H2AZ2: variants seen among roughly 807,000 people sequenced by gnomAD.
The protein encoded by H2AZ2 is H2A.Z variant histone 2.
In H2AZ2, 5 loss-of-function variants were observed where a neutral mutation model predicts 15.5. That is an observed-to-expected ratio of 0.32 (90% CI 0.17 to 0.68). H2AZ2 has a LOEUF of 0.68. Ranked by LOEUF, H2AZ2 falls within the 30% of genes least tolerant of loss-of-function variation. The pLI is 0.72. For synonymous variants in H2AZ2, 44 were observed against 57.4 expected, an observed-to-expected ratio of 0.77 and a Z score of 1.05; for missense variants, 42 against 162.5, an observed-to-expected ratio of 0.26 and a Z score of 4.03.
chr7:44,840,784 A>G (rs1410429497), intron 3 of H2AZ2, 115 bp downstream of exon 3: 5 of 669,730 alleles, frequency 7.5e-6, no homozygotes, highest in Non-Finnish European at 1.2e-5. Flanking sequence ...ACAAACAAAC[A>G]AAAAAGCCCC....
At chr7:44,847,455 T>C (rs1793439147) in intron 1 of H2AZ2, among the ~76,000 whole-genome samples, 1 of 152,190 alleles carries the variant, frequency 6.6e-6, no homozygotes, top group African/African-American at 2.4e-5. Flanking sequence ...GAACAAATCG[T>C]GTGGTTCTGG....
intron 1 of H2AZ2, among the ~76,000 whole-genome samples, chr7:44,845,472 C>G (rs1000454211): frequency 2.0e-5 from 3 of 152,120 alleles, no homozygotes; most frequent in African/African-American, 7.2e-5. Context: ...ATAAAAAACC[C>G]TTGTTACCTC....
At chr7:44,838,421 C>T (rs1376350366) in intron 3 of H2AZ2, among the ~76,000 whole-genome samples, 3 of 151,844 alleles carry the variant, frequency 2.0e-5, no homozygotes, top group Admixed American at 6.6e-5. Flanking sequence ...GAGGCTGGGG[C>T]GGACAGATCA....
intron 3 of H2AZ2, among the ~76,000 whole-genome samples, chr7:44,840,342 C>T (rs757492823): frequency 1.3e-5 from 2 of 152,332 alleles, no homozygotes; most frequent in East Asian, 1.9e-4. Context: ...CCACCTCAGC[C>T]GCCCAAAGTG....
chr7:44,847,368 G>A (rs1399821854), intron 1 of H2AZ2, among the ~76,000 whole-genome samples: 1 of 152,208 alleles, frequency 6.6e-6, no homozygotes, highest in Non-Finnish European at 1.5e-5. Flanking sequence ...GGAAAGTACT[G>A]TTGTATAATG....
chr7:44,831,126 C>CA (rs575267386), downstream of H2AZ2, among the ~76,000 whole-genome samples: 291 of 152,246 alleles, frequency 1.9e-3, no homozygotes, highest in African/African-American at 6.6e-3. Flanking sequence ...GAGATTGTGC[C>CA]ACTGCATGCC....
At chr7:44,829,316 G>A (rs532428958), downstream of H2AZ2, 42 of 152,290 alleles carry the variant, frequency 2.8e-4, 1 homozygote, top group African/African-American at 9.9e-4. Flanking sequence ...AGAAATGCTG[G>A]TTGGCTGGGC....
At chr7:44,836,756 G>A (rs947492766) in intron 3 of H2AZ2, among the ~76,000 whole-genome samples, 6 of 152,046 alleles carry the variant, frequency 3.9e-5, no homozygotes, top group African/African-American at 1.2e-4. Context: ...CAGCAATTTG[G>A]GAGGCCGAGA....
Position 44,847,851 on chromosome 7 carries a change from CCGGA to C in H2AZ2, c.3+114_3+117del, listed in dbSNP as rs1793452940. On this transcript the variant is annotated intron_variant, in intron 1 of 4. Transcript: ENST00000308153. ...CCCCGGCGGGCGGCGAGGGGCTCGG[CCGGA>C]CGAAGCCCAGACACCCGCAAACTCC... 4.3e-6 allele frequency: 6 copies of C among 1,386,640 alleles called. No homozygotes were observed. The Admixed American group carries it at 1.2e-4, about 29-fold the overall frequency. 85.9% of individuals were successfully genotyped at this position (1,386,640 alleles called of 1,614,324 possible).
intron 2 of H2AZ2, among the ~76,000 whole-genome samples, chr7:44,841,720 T>TA (rs1240598203): frequency 2.0e-5 from 3 of 152,124 alleles, no homozygotes; most frequent in Non-Finnish European, 2.9e-5. Context: ...CTGTCCACCT[T>TA]AGCCTCCCAA....
chr7:44,847,875 A>G (rs778842129), intron 1 of H2AZ2, 94 bp downstream of exon 1: 276 of 1,511,512 alleles, frequency 1.8e-4, no homozygotes, highest in Non-Finnish European at 2.3e-4. Context: ...GACACCCGCA[A>G]ACTCCCGACT....
chr7:44,830,623 G>A (rs1284279205), downstream of H2AZ2, among the ~76,000 whole-genome samples: 1 of 152,178 alleles, frequency 6.6e-6, no homozygotes, highest in Admixed American at 6.5e-5. Context: ...GCATTTCACT[G>A]TGTCGTACTA....
Position 44,834,236 on chromosome 7 carries a change from G to A in H2AZ2, c.*265C>T, listed in dbSNP as rs1793063057. On this transcript the variant is annotated 3_prime_UTR_variant, in exon 5 of 5. Coordinates refer to ENST00000308153, the MANE Select transcript of H2AZ2 (RefSeq NM_012412.5). ...AACAGTTTTGAGACAAATTAATTTT[G>A]TAAAAAATGGTTTATCAATTCCATT... is the stretch of plus-strand genomic sequence containing the variant. The A allele has an allele frequency of 8.3e-7, 1 of 1,212,000 alleles. No homozygotes were observed. Among genetic ancestry groups the A allele is most frequent in the African/African-American group, 1.5e-5 (1 of 65,106 alleles). 75.1% of individuals were successfully genotyped at this position (1,212,000 alleles called of 1,614,324 possible).
chr7:44,834,199 C>T lies in H2AZ2; in HGVS notation c.*302G>A. 1 of 1,099,762 alleles carries T rather than the reference C, an allele frequency of 9.1e-7. No individual in the cohort carries two copies. The highest frequency in any genetic ancestry group is 1.1e-6 in the Non-Finnish European group (1 of 896,808). 68.1% of individuals were successfully genotyped at this position (1,099,762 alleles called of 1,614,324 possible). A position where few individuals can be genotyped will look rare whatever the true frequency, so the allele number is the denominator to read the frequency against. ...AAGTCTGAGTAAAATATTTCTAATA[C>T]ATCATGAACAGAACAGTTTTGAGAC... On this transcript the variant is annotated 3_prime_UTR_variant, in exon 5 of 5. Transcript: ENST00000308153.
chr7:44,839,289 T>C (rs10951774), intron 3 of H2AZ2, among the ~76,000 whole-genome samples: 113,351 of 152,014 alleles, frequency 0.75, 45,137 homozygotes, highest in Non-Finnish European at 0.9. Context: ...GGTATGGTGG[T>C]TTATGTCTGT....
At chr7:44,831,386 C>T (rs1485387704), downstream of H2AZ2, among the ~76,000 whole-genome samples, 2 of 152,006 alleles carry the variant, frequency 1.3e-5, no homozygotes, top group Non-Finnish European at 2.9e-5. Flanking sequence ...ATTGAAAATA[C>T]AACCCTGGGA....
At chr7:44,831,595 C>T (rs562084297), downstream of H2AZ2, among the ~76,000 whole-genome samples, 7 of 148,812 alleles carry the variant, frequency 4.7e-5, no homozygotes, top group South Asian at 1.6e-3. Flanking sequence ...GTAGGCCTGA[C>T]TCTCAATACA....
At position 44,843,181 on chromosome 7, in the gene H2AZ2, T is replaced by C. The variant is rs1027258685; in HGVS notation, c.81+96A>G. The C allele has an allele frequency of 1.4e-4, 36 of 264,758 alleles. No homozygotes were observed. In the Admixed American group the frequency reaches 1.4e-3, roughly 11 times the overall value. 16.4% of individuals were successfully genotyped at this position (264,758 alleles called of 1,614,324 possible). A position where few individuals can be genotyped will look rare whatever the true frequency, so the allele number is the denominator to read the frequency against. On this transcript the variant is annotated intron_variant, in intron 2 of 4. Transcript: ENST00000308153. ...AAAAAAAAAAAAAAAAAAAAGTCTG[T>C]AGTAATACAAGTAGATTTTTGTAAT...
chr7:44,836,749 C>T (rs1276415594), intron 3 of H2AZ2, among the ~76,000 whole-genome samples: 1 of 151,976 alleles, frequency 6.6e-6, no homozygotes, highest in African/African-American at 2.4e-5. Flanking sequence ...GTAATCCCAG[C>T]AATTTGGGAG....
Sources: gnomAD v4.1 joint callset for allele counts (sites outside exome capture counted in the v4.1 genomes callset) on GRCh38, gnomAD v4.1.1 for gene constraint, MANE v1.5 for transcripts, NCBI Gene and HGNC (gene_info 2026-07-23, HGNC 2026-07-21) for gene names.